The following UST variants were observed in gnomAD, a reference collection of about 807,000 sequenced individuals.
The protein encoded by UST is chondroitin sulfate 2-O-sulfotransferase.
A neutral mutation model predicts 45.6 loss-of-function variants in UST; 21 were observed. The ratio of observed to expected loss-of-function variants is 0.46; its 90% CI spans 0.33 to 0.66. The LOEUF (loss-of-function observed/expected upper bound fraction) is 0.66. UST is among the 30% of genes least tolerant of loss of function. UST has a pLI of 0.02. For synonymous variants in UST, 215 were observed against 200.6 expected, an observed-to-expected ratio of 1.07 and a Z score of -0.61; for missense variants, 463 against 512.4, an observed-to-expected ratio of 0.90 and a Z score of 0.93.
intron 5 of UST, among the ~76,000 whole-genome samples, chr6:148,987,827 ATCT>A (rs60177533): frequency 0.35 from 52,365 of 151,740 alleles, 9,683 homozygotes; most frequent in Non-Finnish European, 0.42. Context: ...AAAACTCTTG[ATCT>A]TCTTCATCAT....
At chr6:149,002,919 A>G (rs555944687) in intron 5 of UST, among the ~76,000 whole-genome samples, 1 of 152,358 alleles carries the variant, frequency 6.6e-6, no homozygotes, top group South Asian at 2.1e-4. Flanking sequence ...CATATTATAA[A>G]CTACAAATAA....
At chr6:149,065,281 T>G (rs1776715516) in intron 7 of UST, among the ~76,000 whole-genome samples, 1 of 152,354 alleles carries the variant, frequency 6.6e-6, no homozygotes, top group South Asian at 2.1e-4. Flanking sequence ...TATGGCAGTC[T>G]GGAGAGAGGC....
chr6:148,857,983 A>G (rs957583838), intron 1 of UST, among the ~76,000 whole-genome samples: 3 of 152,190 alleles, frequency 2.0e-5, no homozygotes, highest in Non-Finnish European at 4.4e-5. Flanking sequence ...GTTGAATGCA[A>G]AGAGTATGTT....
At chr6:149,012,099 G>C (rs911177440) in intron 5 of UST, among the ~76,000 whole-genome samples, 1 of 152,196 alleles carries the variant, frequency 6.6e-6, no homozygotes, top group African/African-American at 2.4e-5. Flanking sequence ...GGAGAGCAAC[G>C]TGCTTCTCTG....
At position 148,885,358 on chromosome 6, in the gene UST, GT is replaced by G. The variant is rs138575828; in HGVS notation, c.248-1626del. 3.3e-5 allele frequency among the ~76,000 whole-genome samples: 5 copies of G among 152,200 alleles called. No individual in the cohort carries two copies. In the East Asian group the frequency reaches 9.7e-4, roughly 29 times the overall value. The stretch of plus-strand genomic sequence containing the variant: ...CACGGTGGTAGAATATTTCTAAATA[GT>G]TCTCTAGGCACAGGCAGCTATTTTT... On this transcript the variant is annotated intron_variant, in intron 1 of 7. Coordinates refer to ENST00000367463, the MANE Select transcript of UST (RefSeq NM_005715.3).
intron 4 of UST, among the ~76,000 whole-genome samples, chr6:148,960,648 C>T (rs978486636): frequency 6.6e-6 from 1 of 152,154 alleles, no homozygotes; most frequent in African/African-American, 2.4e-5. Context: ...GATGACTTCA[C>T]AACAATGTGA....
intron 1 of UST, among the ~76,000 whole-genome samples, chr6:148,812,382 G>A (rs534941675): frequency 2.6e-5 from 4 of 152,276 alleles, no homozygotes; most frequent in East Asian, 1.9e-4. Flanking sequence ...ATAGCACCAC[G>A]TATTGGTTAT....
At chr6:149,034,279 G>A (rs908646265) in intron 7 of UST, among the ~76,000 whole-genome samples, 7 of 151,982 alleles carry the variant, frequency 4.6e-5, no homozygotes, top group African/African-American at 4.8e-5. Context: ...CAAAAATTTC[G>A]TATGTGCCAA....
intron 5 of UST, among the ~76,000 whole-genome samples, chr6:148,987,595 A>C (rs1353404825): frequency 6.6e-6 from 1 of 152,244 alleles, no homozygotes; most frequent in Non-Finnish European, 1.5e-5. Context: ...GCTTGCCTTC[A>C]AGAAAAGCTC....
At chr6:148,863,853 C>G (rs535535868) in intron 1 of UST, among the ~76,000 whole-genome samples, 1 of 152,310 alleles carries the variant, frequency 6.6e-6, no homozygotes, top group African/African-American at 2.4e-5. Flanking sequence ...CTGCCTGATC[C>G]TTCTTCTGGA....
chr6:148,898,898 G>A (rs1779189282), intron 2 of UST, among the ~76,000 whole-genome samples: 2 of 152,048 alleles, frequency 1.3e-5, no homozygotes, highest in South Asian at 2.1e-4. Context: ...AAAATGAAGG[G>A]CTTTAAATGA....
intron 1 of UST, among the ~76,000 whole-genome samples, chr6:148,805,290 T>C (rs1388272567): frequency 1.3e-5 from 2 of 152,218 alleles, no homozygotes; most frequent in African/African-American, 4.8e-5. Flanking sequence ...TTTCACTGTT[T>C]GTTACGTTGT....
At chr6:148,963,817 A>C (rs1780719957) in intron 4 of UST, among the ~76,000 whole-genome samples, 1 of 152,216 alleles carries the variant, frequency 6.6e-6, no homozygotes, top group Non-Finnish European at 1.5e-5. Context: ...TTGACGTGTT[A>C]TGGGGCTTCA....
chr6:148,778,783 A>G (rs1262660857), intron 1 of UST, among the ~76,000 whole-genome samples: 6 of 152,178 alleles, frequency 3.9e-5, no homozygotes, highest in African/African-American at 1.4e-4. Context: ...GCCTGGGGCA[A>G]CTTGCCGAGG....
At chr6:148,855,799 C>A (rs1264585593) in intron 1 of UST, among the ~76,000 whole-genome samples, 1 of 152,134 alleles carries the variant, frequency 6.6e-6, no homozygotes, top group African/African-American at 2.4e-5. Context: ...AGACATGTAT[C>A]CTGGAGTTGG....
chr6:148,779,053 G>A (rs1441282774), intron 1 of UST, among the ~76,000 whole-genome samples: 3 of 151,840 alleles, frequency 2.0e-5, no homozygotes, highest in Admixed American at 6.6e-5. Flanking sequence ...TGTGGATGCC[G>A]CTGTGGGACT....
intron 1 of UST, among the ~76,000 whole-genome samples, chr6:148,762,753 C>A (rs1186575993): frequency 6.7e-6 from 1 of 150,102 alleles, no homozygotes; most frequent in Non-Finnish European, 1.5e-5. Context: ...CATGTGTACC[C>A]ATTGTTTAGC....
chr6:148,977,513 AG>A (rs1781039090), intron 5 of UST, among the ~76,000 whole-genome samples: 1 of 151,918 alleles, frequency 6.6e-6, no homozygotes, highest in South Asian at 2.1e-4. Context: ...GCACTTTGGG[AG>A]GCCAGGGCGG....
chr6:148,903,694 G>T (rs1293969956), intron 2 of UST, among the ~76,000 whole-genome samples: 1 of 152,080 alleles, frequency 6.6e-6, no homozygotes, highest in Non-Finnish European at 1.5e-5. Context: ...AAGAGGAAAT[G>T]CTCAGAAAAA....
Sources: allele counts gnomAD v4.1 joint callset (sites outside exome capture counted in the v4.1 genomes callset), GRCh38; gene constraint gnomAD v4.1.1; transcripts MANE v1.5; gene names NCBI Gene and HGNC (gene_info 2026-07-23, HGNC 2026-07-21).